Variants in MYO1D observed in about 807,000 individuals in gnomAD.
MYO1D encodes the protein unconventional myosin-Id.
In MYO1D, 83 loss-of-function variants were observed where a neutral mutation model predicts 122.0. That is an observed-to-expected ratio of 0.68 (90% confidence interval 0.57 to 0.82). The LOEUF (loss-of-function observed/expected upper bound fraction) is 0.82, where lower values mean the gene tolerates loss of function less well. MYO1D is among the 40% of genes least tolerant of loss of function. MYO1D has a pLI of 0.00. For missense variants in MYO1D, 1,157 were observed against 1,269.5 expected (o/e 0.91, Z 1.35); for synonymous variants, 464 against 446.9 (o/e 1.04, Z -0.48).
chr17:32,872,831 G>T (rs1476945028), intron 1 of MYO1D, among the ~76,000 whole-genome samples: 2 of 151,364 alleles, frequency 1.3e-5, no homozygotes, highest in Non-Finnish European at 2.9e-5. Context: ...CGAGTAGCTG[G>T]GACTACAGGC....
intron 21 of MYO1D, among the ~76,000 whole-genome samples, chr17:32,532,757 C>T (rs887743184): frequency 1.7e-4 from 26 of 150,330 alleles, no homozygotes; most frequent in Admixed American, 2.6e-4. Context: ...AACGAGTGCA[C>T]GAGGCTGATA....
intron 21 of MYO1D, among the ~76,000 whole-genome samples, chr17:32,582,018 C>T (rs572725348): frequency 2.6e-5 from 4 of 152,134 alleles, no homozygotes; most frequent in Non-Finnish European, 5.9e-5. Context: ...GGTGATCCAC[C>T]TGCCTTGGCC....
Position 32,778,559 on chromosome 17 carries a change from C to T in MYO1D, c.319G>A (p.Gly107Ser), listed in dbSNP as rs1241506790. 16 of 1,613,806 alleles carry T rather than the reference C, an allele frequency of 9.9e-6. No homozygotes were observed. In the East Asian group the frequency reaches 1.3e-4, roughly 13 times the overall value. Residue 107 changes from glycine to serine, a missense_variant, in exon 3 of 22, where the codon GGT becomes AGT. Gly to Ser is a moderately conservative substitution (Grantham distance 56, BLOSUM62 0). Coordinates refer to ENST00000318217, the MANE Select transcript of MYO1D (RefSeq NM_015194.3). ...ATGTACTTACTGGCTTCCGTTTTAC[C>T]AGCTCCACTTTCCCCTGGGGGGAAA... ...CIVISGESGA[G>S]KTEASKYIMQ... is the part of the protein sequence containing the mutation.
chr17:32,604,878 T>C (rs746362662), intron 21 of MYO1D, among the ~76,000 whole-genome samples: 2 of 152,232 alleles, frequency 1.3e-5, no homozygotes, highest in Admixed American at 1.3e-4. Flanking sequence ...TTGGTTCAGC[T>C]GGAGGCTGGA....
chr17:32,872,418 A>T (rs965803614), intron 1 of MYO1D, among the ~76,000 whole-genome samples: 9 of 150,262 alleles, frequency 6.0e-5, no homozygotes, highest in Non-Finnish European at 1.0e-4. Flanking sequence ...GACCACAGGC[A>T]CCCACCACCA....
intron 21 of MYO1D, among the ~76,000 whole-genome samples, chr17:32,552,452 C>T (rs12945390): frequency 9.8e-5 from 13 of 132,612 alleles, no homozygotes; most frequent in African/African-American, 2.2e-4. Context: ...ATCCATCCAT[C>T]CATCCATCCA....
At chr17:32,864,548 GAAAAAA>G (rs200717040) in intron 1 of MYO1D, among the ~76,000 whole-genome samples, 3 of 73,028 alleles carry the variant, frequency 4.1e-5, no homozygotes, top group African/African-American at 1.0e-4. Context: ...TTCTACGAAT[GAAAAAA>G]AAAAAAAAAA....
intron 1 of MYO1D, among the ~76,000 whole-genome samples, chr17:32,797,339 T>A (rs759867345): frequency 2.6e-5 from 4 of 152,218 alleles, no homozygotes; most frequent in Admixed American, 1.3e-4. Context: ...TGTGATGTAT[T>A]TAAAGAAAGG....
At chr17:32,607,203 A>C (rs1031874588) in intron 20 of MYO1D, among the ~76,000 whole-genome samples, 6 of 152,122 alleles carry the variant, frequency 3.9e-5, no homozygotes, top group Non-Finnish European at 8.8e-5. Context: ...AAAAGGAAGA[A>C]ACACATGTCT....
intron 20 of MYO1D, among the ~76,000 whole-genome samples, chr17:32,628,738 A>G (rs1057057584): frequency 3.9e-5 from 6 of 152,256 alleles, no homozygotes; most frequent in African/African-American, 1.4e-4. Context: ...AAAAGACACT[A>G]TCAAATACTG....
chr17:32,538,469 A>T (rs2519864), intron 21 of MYO1D, among the ~76,000 whole-genome samples: 28,171 of 113,102 alleles, frequency 0.25, 3,165 homozygotes, highest in East Asian at 0.46. Flanking sequence ...TATTATTATT[A>T]TTTTTTTTTT....
At position 32,775,416 on chromosome 17, in the gene MYO1D, C is replaced by T. The variant is rs777603149; in HGVS notation, c.564+448G>A. Among the ~76,000 whole-genome samples, 11 of 152,144 alleles carry T rather than the reference C, an allele frequency of 7.2e-5. No individual in the cohort carries two copies. In the South Asian group the frequency reaches 8.3e-4, roughly 11 times the overall value. On this transcript the variant is annotated intron_variant, in intron 4 of 21. Coordinates refer to ENST00000318217, the MANE Select transcript of MYO1D (RefSeq NM_015194.3). ...AAGTTTTTACTGACCAAATACAGTT[C>T]GCTTCATAATTAGGATGTAAGATCA... is the stretch of plus-strand genomic sequence containing the variant.
At chr17:32,646,501 C>T (rs143513055) in intron 19 of MYO1D, among the ~76,000 whole-genome samples, 174 of 151,928 alleles carry the variant, frequency 1.1e-3, no homozygotes, top group African/African-American at 3.9e-3. Context: ...AAGTCATGCA[C>T]GTCATCTTTT....
intron 16 of MYO1D, among the ~76,000 whole-genome samples, chr17:32,678,402 TC>T (rs2088856234): frequency 9.9e-6 from 1 of 101,504 alleles, no homozygotes. Flanking sequence ...ATGCTATCCC[TC>T]CCCCCTCCCC....
chr17:32,790,694 A>T (rs1363781276), intron 1 of MYO1D, among the ~76,000 whole-genome samples: 2 of 152,238 alleles, frequency 1.3e-5, no homozygotes, highest in African/African-American at 4.8e-5. Context: ...TCATTGCTGG[A>T]GAAGAAGGTC....
chr17:32,652,264 T>G (rs1210367344), intron 19 of MYO1D, among the ~76,000 whole-genome samples: 1 of 152,222 alleles, frequency 6.6e-6, no homozygotes, highest in East Asian at 1.9e-4. Flanking sequence ...CTTACATCCT[T>G]ATAAACATTG....
At chr17:32,613,666 CG>C (rs1343523604) in intron 20 of MYO1D, among the ~76,000 whole-genome samples, 1 of 151,470 alleles carries the variant, frequency 6.6e-6, no homozygotes, top group Non-Finnish European at 1.5e-5. Context: ...CCCAGCTACT[CG>C]GGGGGCTGAG....
At chr17:32,603,068 A>C (rs2087580876) in intron 21 of MYO1D, among the ~76,000 whole-genome samples, 1 of 123,986 alleles carries the variant, frequency 8.1e-6, no homozygotes, top group South Asian at 2.7e-4. Context: ...AACACCAAGA[A>C]TTAAAAAAAA....
At chr17:32,801,967 C>G (rs1038828213) in intron 1 of MYO1D, among the ~76,000 whole-genome samples, 1 of 152,204 alleles carries the variant, frequency 6.6e-6, no homozygotes, top group African/African-American at 2.4e-5. Context: ...CTATCCAAAT[C>G]TGGGATAGTT....
Sources: allele counts gnomAD v4.1 joint callset (sites outside exome capture counted in the v4.1 genomes callset), GRCh38; gene constraint gnomAD v4.1.1; transcripts MANE v1.5; gene names NCBI Gene and HGNC (gene_info 2026-07-23, HGNC 2026-07-21).